Variants in CCNY observed in about 807,000 individuals in gnomAD.
The protein encoded by CCNY is cyclin-Y.
A neutral mutation model predicts 42.8 loss-of-function variants in CCNY; 19 were observed. That is an observed-to-expected ratio of 0.44 (90% CI 0.31 to 0.65). CCNY has a LOEUF of 0.65. Ranked by LOEUF, CCNY falls within the 30% of genes least tolerant of loss-of-function variation. The probability of loss-of-function intolerance (pLI) is 0.07; values close to 1 mark genes in which losing one functional copy is unlikely to be tolerated. For missense variants in CCNY, 370 were observed against 437.3 expected (o/e 0.85, Z 1.37); for synonymous variants, 165 against 162.7 (o/e 1.01, Z -0.11).
chr10:35,474,961 TG>T (rs1839474087), intron 1 of CCNY, among the ~76,000 whole-genome samples: 1 of 151,382 alleles, frequency 6.6e-6, no homozygotes, highest in Non-Finnish European at 1.5e-5. Context: ...AAGGAGCTGA[TG>T]GAGCTGAAAA....
At chr10:35,507,750 C>CA (rs1348017387) in intron 3 of CCNY, among the ~76,000 whole-genome samples, 1 of 151,070 alleles carries the variant, frequency 6.6e-6, no homozygotes, top group Non-Finnish European at 1.5e-5. Flanking sequence ...CAGCCTTTCT[C>CA]AGTCTTTCAG....
intron 3 of CCNY, among the ~76,000 whole-genome samples, chr10:35,296,518 T>A (rs1396965813): frequency 6.6e-6 from 1 of 151,996 alleles, no homozygotes. Context: ...GAGGCAGAGG[T>A]TGCAGTGAGC....
intron 3 of CCNY, among the ~76,000 whole-genome samples, chr10:35,271,391 C>T (rs1165162655): frequency 6.6e-6 from 1 of 152,180 alleles, no homozygotes; most frequent in Non-Finnish European, 1.5e-5. Flanking sequence ...GTCCCACACA[C>T]TCCTTTGAAT....
At chr10:35,545,376 C>T (rs1005303059) in intron 7 of CCNY, among the ~76,000 whole-genome samples, 3 of 152,206 alleles carry the variant, frequency 2.0e-5, no homozygotes, top group African/African-American at 7.2e-5. Context: ...AGTCCGAAAT[C>T]AAGGCACTGG....
chr10:35,438,870 T>G (rs1481432600), intron 1 of CCNY, among the ~76,000 whole-genome samples: 2 of 152,236 alleles, frequency 1.3e-5, no homozygotes, highest in African/African-American at 2.4e-5. Flanking sequence ...ACAGTTTCTC[T>G]TAGTTTCATG....
At chr10:35,552,391 T>C (rs1232516443) in intron 7 of CCNY, among the ~76,000 whole-genome samples, 4 of 152,164 alleles carry the variant, frequency 2.6e-5, no homozygotes, top group Non-Finnish European at 5.9e-5. Flanking sequence ...TTAACGGGTA[T>C]AGAGTTTCAG....
intron 7 of CCNY, among the ~76,000 whole-genome samples, chr10:35,551,373 T>C (rs961876058): frequency 1.3e-5 from 2 of 152,224 alleles, no homozygotes; most frequent in African/African-American, 4.8e-5. Flanking sequence ...TAATCTGTAT[T>C]TTATTTATGT....
intron 1 of CCNY, among the ~76,000 whole-genome samples, chr10:35,437,237 G>A (rs1412421308): frequency 6.6e-6 from 1 of 152,164 alleles, no homozygotes; most frequent in East Asian, 1.9e-4. Flanking sequence ...GACGGAACTG[G>A]GTTTGCAATG....
chr10:35,327,554 G>C (rs542072350), intron 3 of CCNY: 1 of 152,282 alleles, frequency 6.6e-6, no homozygotes, highest in South Asian at 2.1e-4. Context: ...ACTGTTAGCA[G>C]GAGTAGATGT....
At chr10:35,551,363 T>G (rs1429331660) in intron 7 of CCNY, among the ~76,000 whole-genome samples, 2 of 152,188 alleles carry the variant, frequency 1.3e-5, no homozygotes, top group East Asian at 3.9e-4. Context: ...TAACTGAAAA[T>G]AATCTGTATT....
chr10:35,473,106 A>T (rs1564424785), intron 1 of CCNY, among the ~76,000 whole-genome samples: 1 of 152,364 alleles, frequency 6.6e-6, no homozygotes, highest in South Asian at 2.1e-4. Flanking sequence ...ATTGGGTCAC[A>T]TATTTTATTC....
rs572709086 is a variant in CCNY, at chr10:35,287,645, T to C, written c.-9+37019T>C. Among the ~76,000 whole-genome samples the C allele has an allele frequency of 3.9e-5, 6 of 152,334 alleles. No homozygotes were observed. The South Asian group carries it at 1.2e-3, about 32-fold the overall frequency. Reference sequence around the variant, plus strand: ...ATAATATTTTTGAGATTTATCCACATTGTTGGGTCTATCAGTAGTTCATTT... The same window carrying C: ...ATAATATTTTTGAGATTTATCCACACTGTTGGGTCTATCAGTAGTTCATTT... On this transcript the variant is annotated intron_variant, in intron 3 of 11. Transcript: ENST00000374706.
intron 1 of CCNY, chr10:35,449,717 A>C: frequency 5.1e-6 from 5 of 983,584 alleles, no homozygotes; most frequent in Non-Finnish European, 6.0e-6. Flanking sequence ...CACAGGTCAG[A>C]GAGGTGCAGG....
intron 3 of CCNY, among the ~76,000 whole-genome samples, chr10:35,293,773 A>G (rs1281990801): frequency 6.6e-6 from 1 of 151,996 alleles, no homozygotes; most frequent in Non-Finnish European, 1.5e-5. Flanking sequence ...CTAAAAATGT[A>G]CAGACATACA....
chr10:35,261,016 T>A (rs2095719129), intron 3 of CCNY, among the ~76,000 whole-genome samples: 1 of 151,830 alleles, frequency 6.6e-6, no homozygotes. Flanking sequence ...GAGGCCAAAG[T>A]GGGAGGATCA....
intron 4 of CCNY, among the ~76,000 whole-genome samples, chr10:35,520,606 C>T (rs2135413014): frequency 6.6e-6 from 1 of 152,184 alleles, no homozygotes; most frequent in East Asian, 1.9e-4. Context: ...AAATAATCCA[C>T]CTGTAAAGTG....
chr10:35,526,883 A>G (rs1287154714), intron 5 of CCNY, among the ~76,000 whole-genome samples: 3 of 152,168 alleles, frequency 2.0e-5, no homozygotes, highest in Non-Finnish European at 1.5e-5. Context: ...TGTGACATTC[A>G]TGTATGTTAC....
intron 2 of CCNY, among the ~76,000 whole-genome samples, chr10:35,483,836 G>A (rs933712717): frequency 5.5e-4 from 84 of 152,294 alleles, no homozygotes; most frequent in African/African-American, 1.9e-3. Context: ...GTAAAAGAAA[G>A]CAAAATATAA....
At chr10:35,420,434 C>G (rs868237989) in intron 1 of CCNY, among the ~76,000 whole-genome samples, 1 of 152,180 alleles carries the variant, frequency 6.6e-6, no homozygotes, top group South Asian at 2.1e-4. Context: ...AAATGTGAAG[C>G]TGCTGTGATA....
Sources: allele counts gnomAD v4.1 joint callset (sites outside exome capture counted in the v4.1 genomes callset), GRCh38; gene constraint gnomAD v4.1.1; transcripts MANE v1.5; gene names NCBI Gene and HGNC (gene_info 2026-07-23, HGNC 2026-07-21).